ATAD3B: variants seen among roughly 807,000 people sequenced by gnomAD.
ATAD3B encodes the protein ATPase family AAA domain containing 3B.
ATAD3B carries 59 observed loss-of-function variants against 70.2 expected under a neutral mutation model. The ratio of observed to expected loss-of-function variants is 0.84; its 90% CI spans 0.68 to 1.04. The LOEUF (loss-of-function observed/expected upper bound fraction) is 1.04, where lower values mean the gene tolerates loss of function less well. Among genes scored for constraint, ATAD3B ranks in the 50% least tolerant of loss-of-function variants. ATAD3B has a pLI of 0.00. For synonymous variants in ATAD3B, 423 were observed against 388.6 expected (o/e 1.09, Z -1.04); for missense variants, 961 against 913.4 (o/e 1.05, Z -0.67).
chr1:1,496,141 C>G lies in ATAD3B; in HGVS notation c.*324C>G. ...GTCTGAGGCCGCCCTGTCAGCTGGC[C>G]GGTCCAAGCCTGTGGCTGGAGCTGG... On this transcript the variant is annotated 3_prime_UTR_variant, in exon 16 of 16. Transcript: ENST00000673477. 1.8e-6 allele frequency: 2 copies of G among 1,106,182 alleles called. No individual in the cohort carries two copies. Among genetic ancestry groups the G allele is most frequent in the Middle Eastern group, 4.0e-4 (1 of 2,526 alleles). 68.5% of individuals were successfully genotyped at this position (1,106,182 alleles called of 1,614,324 possible). A position where few individuals can be genotyped will look rare whatever the true frequency, so the allele number is the denominator to read the frequency against.
chr1:1,499,112 C>T (rs958248731), downstream of ATAD3B, among the ~76,000 whole-genome samples: 2 of 151,682 alleles, frequency 1.3e-5, no homozygotes, highest in Admixed American at 6.6e-5. Flanking sequence ...GCTGGGACCA[C>T]AGGTGCCCGC....
At chr1:1,478,494 G>C (rs1377662105) in intron 2 of ATAD3B, 150 bp from the exon 3 acceptor site, 1 of 1,549,402 alleles carries the variant, frequency 6.5e-7, no homozygotes, top group South Asian at 1.2e-5. Context: ...CTGATCCTGG[G>C]TGCAGATGCA....
chr1:1,492,745 CTGGACAACA>C (rs774282362), intron 15 of ATAD3B, among the ~76,000 whole-genome samples: 1 of 151,862 alleles, frequency 6.6e-6, no homozygotes, highest in African/African-American at 2.4e-5. Flanking sequence ...CAAGACCAGC[CTGGACAACA>C]TGGTGAAACC....
chr1:1,486,293 A>G, intron 10 of ATAD3B, 58 bp downstream of exon 10: 2 of 1,610,184 alleles, frequency 1.2e-6, no homozygotes, highest in Non-Finnish European at 1.7e-6. Context: ...ACCTGCCTGC[A>G]GGTGTCTGGG....
intron 1 of ATAD3B, among the ~76,000 whole-genome samples, chr1:1,472,779 T>C (rs1424506626): frequency 3.9e-5 from 6 of 152,062 alleles, no homozygotes; most frequent in Non-Finnish European, 8.8e-5. Flanking sequence ...TAGAAGGTGC[T>C]GAATTCATTG....
At chr1:1,482,790 GA>G in intron 7 of ATAD3B, 176 bp downstream of exon 7, 1 of 1,049,174 alleles carries the variant, frequency 9.5e-7, no homozygotes, top group Non-Finnish European at 1.4e-6. Flanking sequence ...TGAGCTGGGA[GA>G]AAAAAATGCA....
At chr1:1,486,041 C>A in intron 9 of ATAD3B, 69 bp from the exon 10 acceptor site, 3 of 1,608,784 alleles carry the variant, frequency 1.9e-6, no homozygotes, top group Non-Finnish European at 2.5e-6. Flanking sequence ...CGGGCATTCC[C>A]GCAGCCCCTG....
rs1350468120 is a variant in ATAD3B at position 1,496,379 on chromosome 1, T to A, written c.*562T>A. 9 of 425,004 alleles carry A rather than the reference T, an allele frequency of 2.1e-5. No homozygotes were observed. The highest frequency in any genetic ancestry group is 2.8e-5 in the Non-Finnish European group (9 of 317,654). 26.3% of individuals were successfully genotyped at this position (425,004 alleles called of 1,614,324 possible). On this transcript the variant is annotated 3_prime_UTR_variant, in exon 16 of 16. Coordinates refer to ENST00000673477, the MANE Select transcript of ATAD3B (RefSeq NM_031921.6). ...CACATCCGAGTTGGGGTCTGAATGC[T>A]GCCCGGGACTGCCGCCTGCGCCCCA...
At chr1:1,506,838 A>G in the ATAD3B span, among the ~76,000 whole-genome samples, 6 of 137,904 alleles carry the variant, frequency 4.4e-5, no homozygotes, top group African/African-American at 1.7e-4. Context: ...CCCAGGCTGG[A>G]GTGCAGTGGC....
At chr1:1,501,702 A>G (rs371212369), downstream of ATAD3B, among the ~76,000 whole-genome samples, 44 of 152,052 alleles carry the variant, frequency 2.9e-4, 2 homozygotes, top group East Asian at 3.3e-3. Flanking sequence ...CTATTTCCAC[A>G]AGAGTTTTTC....
At position 1,489,683 on chromosome 1, in the gene ATAD3B, C is replaced by T. The variant is rs768709423; in HGVS notation, c.1337+409C>T. On this transcript the variant is annotated intron_variant, in intron 13 of 15. Transcript: ENST00000673477. ...TTTTGAGTTTTCTTGGTCTCCTGGG[C>T]CCCTCCAGCCCCAGTCACGTGTCAC... The T allele has an allele frequency of 4.0e-4, 533 of 1,317,492 alleles. 5 individuals carry two copies. The highest frequency in any genetic ancestry group is 5.0e-4 in the Non-Finnish European group (499 of 999,390). The allele number at this position is 1,317,492 out of a possible 1,614,324, so 81.6% of individuals were successfully genotyped here. A position where few individuals can be genotyped will look rare whatever the true frequency, so the allele number is the denominator to read the frequency against.
intron 11 of ATAD3B, 52 bp downstream of exon 11, chr1:1,486,720 T>G: frequency 1.3e-6 from 2 of 1,514,924 alleles, no homozygotes; most frequent in South Asian, 2.5e-5. Context: ...CCCAGCAGGC[T>G]GCCTTCTGGG....
At chr1:1,490,118 C>G in intron 13 of ATAD3B, 139 bp from the exon 14 acceptor site, 1 of 1,448,688 alleles carries the variant, frequency 6.9e-7, no homozygotes, top group Non-Finnish European at 9.0e-7. Flanking sequence ...GCTGCGTTCT[C>G]CCCATGTTTC....
chr1:1,500,379 C>T (rs941025079), downstream of ATAD3B, among the ~76,000 whole-genome samples: 4 of 148,132 alleles, frequency 2.7e-5, no homozygotes, highest in East Asian at 2.1e-4. Flanking sequence ...GGTGAAACCC[C>T]GTCTCTACTA....
At chr1:1,472,651 G>A (rs1473067509) in intron 1 of ATAD3B, among the ~76,000 whole-genome samples, 2 of 152,044 alleles carry the variant, frequency 1.3e-5, no homozygotes, top group African/African-American at 2.4e-5. Context: ...AGGCCCTCAG[G>A]GTGTGAGCAC....
At chr1:1,478,508 G>A (rs1429708175) in intron 2 of ATAD3B, 136 bp from the exon 3 acceptor site, 3 of 1,549,572 alleles carry the variant, frequency 1.9e-6, no homozygotes, top group Non-Finnish European at 2.6e-6. Flanking sequence ...AGATGCAGCT[G>A]GAAGCCCTGA....
At chr1:1,484,983 G>T (rs1368305618) in intron 7 of ATAD3B, 33 bp from the exon 8 acceptor site, 1 of 1,586,500 alleles carries the variant, frequency 6.3e-7, no homozygotes, top group Non-Finnish European at 8.6e-7. Context: ...GGACGGTGGG[G>T]GCCGGTGCGC....
chr1:1,480,162 C>T (rs535695800), intron 4 of ATAD3B, among the ~76,000 whole-genome samples: 10 of 142,770 alleles, frequency 7.0e-5, no homozygotes, highest in Admixed American at 2.1e-4. Context: ...CATACGGGCA[C>T]GCACCTGCAC....
At chr1:1,488,496 C>T (rs1028777666) in intron 12 of ATAD3B, among the ~76,000 whole-genome samples, 2 of 152,070 alleles carry the variant, frequency 1.3e-5, no homozygotes, top group Admixed American at 6.6e-5. Context: ...CACAGTGGCT[C>T]ACGTGTGTAA....
Sources: allele counts gnomAD v4.1 joint callset (sites outside exome capture counted in the v4.1 genomes callset), GRCh38; gene constraint gnomAD v4.1.1; transcripts MANE v1.5; gene names NCBI Gene and HGNC (gene_info 2026-07-23, HGNC 2026-07-21).